The following CCDC33 variants were observed in gnomAD, a reference collection of about 807,000 sequenced individuals.
CCDC33 encodes the protein coiled-coil domain-containing protein 33.
CCDC33 carries 94 observed loss-of-function variants against 91.9 expected under a neutral mutation model. The ratio of observed to expected loss-of-function variants is 1.02; its 90% CI spans 0.87 to 1.21. The LOEUF (loss-of-function observed/expected upper bound fraction) is 1.21, where lower values mean the gene tolerates loss of function less well. Ranked by LOEUF, CCDC33 falls within the 50% of genes most tolerant of loss-of-function variation. The pLI, the probability that CCDC33 is intolerant of heterozygous loss-of-function variation, is 0.00. For synonymous variants in CCDC33, 396 were observed against 374.5 expected (o/e 1.06, Z -0.66); for missense variants, 940 against 935.5 (o/e 1.00, Z -0.06).
At chr15:74,281,430 G>GT (rs2059360865) in intron 9 of CCDC33, among the ~76,000 whole-genome samples, 1 of 152,238 alleles carries the variant, frequency 6.6e-6, no homozygotes, top group Non-Finnish European at 1.5e-5. Flanking sequence ...AGCACTTAGA[G>GT]TAAGTTCTCA....
intron 2 of CCDC33, among the ~76,000 whole-genome samples, chr15:74,255,113 A>G (rs1331680833): frequency 1.3e-5 from 1 of 76,628 alleles, no homozygotes; most frequent in African/African-American, 3.4e-5. Flanking sequence ...TGAAAGCCCC[A>G]GAATCCCTGG....
chr15:74,207,679 G>T (rs1296855588), intron 1 of CCDC33: 8 of 1,533,578 alleles, frequency 5.2e-6, no homozygotes, highest in African/African-American at 1.4e-5. Context: ...GGAGTGGGGG[G>T]ATGGCCACTG....
chr15:74,217,428 C>CT lies in CCDC33; in HGVS notation c.158dup (p.Gln54AlafsTer14). The CT allele has an allele frequency of 7.8e-7, 1 of 1,289,800 alleles. No individual in the cohort carries two copies. 79.9% of individuals were successfully genotyped at this position (1,289,800 alleles called of 1,614,324 possible). On this transcript the variant is annotated frameshift_variant, in exon 1 of 3. Coordinates refer to the CCDC33 transcript ENST00000635913. LOFTEE classifies it high-confidence loss of function. Reference sequence around the variant, plus strand: ...CCTGAGACTGTCAGCAGAGAACCCCCTGCAGGTGGGCTCTGGGGCTGGGGT... The same window carrying CT: ...CCTGAGACTGTCAGCAGAGAACCCCCTTGCAGGTGGGCTCTGGGGCTGGGGT...
intron 3 of CCDC33, among the ~76,000 whole-genome samples, chr15:74,265,827 C>G (rs1220924238): frequency 6.6e-6 from 1 of 152,214 alleles, no homozygotes; most frequent in African/African-American, 2.4e-5. Flanking sequence ...AGTTTGAGGC[C>G]AGCCTGGCCA....
intron 18 of CCDC33, chr15:74,335,723 T>C: frequency 1.8e-6 from 1 of 551,670 alleles, no homozygotes; most frequent in South Asian, 2.2e-5. Context: ...AAGGCAACCT[T>C]TGCACACTCA....
At chr15:74,331,344 C>A in intron 15 of CCDC33, 48 bp downstream of exon 15, 1 of 1,577,608 alleles carries the variant, frequency 6.3e-7, no homozygotes, top group Non-Finnish European at 8.7e-7. Context: ...CTGCTCCACC[C>A]CTGGAGGCCC....
At chr15:74,222,771 C>T (rs1039665372) in intron 2 of CCDC33, among the ~76,000 whole-genome samples, 2 of 148,752 alleles carry the variant, frequency 1.3e-5, no homozygotes, top group African/African-American at 5.0e-5. Flanking sequence ...CCCTCGGCCA[C>T]CCCTACCCCC....
At chr15:74,314,282 C>G (rs1596099828) in intron 11 of CCDC33, among the ~76,000 whole-genome samples, 1 of 152,228 alleles carries the variant, frequency 6.6e-6, no homozygotes, top group Non-Finnish European at 1.5e-5. Context: ...AGACCCCAAG[C>G]CTTGGCCACA....
chr15:74,237,667 C>T (rs779674646), intron 1 of CCDC33, among the ~76,000 whole-genome samples: 3 of 152,186 alleles, frequency 2.0e-5, no homozygotes, highest in African/African-American at 4.8e-5. Flanking sequence ...TCTGTAATGC[C>T]ACACACTCAG....
chr15:74,279,819 G>A, intron 7 of CCDC33, 144 bp from the exon 8 acceptor site: 1 of 1,121,712 alleles, frequency 8.9e-7, no homozygotes, highest in Non-Finnish European at 1.2e-6. Flanking sequence ...TTACAGGCGT[G>A]AGCCACTGTG....
chr15:74,333,852 C>T (rs1298093557), intron 16 of CCDC33, 29 bp from the exon 17 acceptor site: 2 of 1,589,434 alleles, frequency 1.3e-6, no homozygotes, highest in Admixed American at 1.7e-5. Context: ...CCAGCTGGGG[C>T]CAAATGTGAG....
At chr15:74,239,286 A>G (rs1176007605) in intron 1 of CCDC33, among the ~76,000 whole-genome samples, 2 of 152,112 alleles carry the variant, frequency 1.3e-5, no homozygotes, top group African/African-American at 4.8e-5. Context: ...TCTCCCCACC[A>G]GAACCAAGTT....
At chr15:74,309,932 G>C (rs1444650887) in intron 11 of CCDC33, among the ~76,000 whole-genome samples, 1 of 152,068 alleles carries the variant, frequency 6.6e-6, no homozygotes, top group Non-Finnish European at 1.5e-5. Flanking sequence ...AGGATCACTT[G>C]AGACCAGGAG....
chr15:74,296,519 G>A (rs1165936616), intron 11 of CCDC33, among the ~76,000 whole-genome samples: 2 of 152,156 alleles, frequency 1.3e-5, no homozygotes, highest in African/African-American at 2.4e-5. Context: ...CCAGCTACTC[G>A]GGAGGCTGAG....
chr15:74,298,057 A>G (rs1446323125), intron 11 of CCDC33, among the ~76,000 whole-genome samples: 1 of 152,238 alleles, frequency 6.6e-6, no homozygotes, highest in Non-Finnish European at 1.5e-5. Flanking sequence ...CCCTGCTCCT[A>G]GTACTGGGCA....
chr15:74,240,615 G>T (rs367840147), intron 1 of CCDC33, among the ~76,000 whole-genome samples: 248 of 151,984 alleles, frequency 1.6e-3, no homozygotes, highest in African/African-American at 5.8e-3. Flanking sequence ...TTTTTTTGTT[G>T]TTGTTGTTGG....
In CCDC33 at chr15:74,335,909, G is replaced by A. The variant is rs781609955; in HGVS notation, c.2140-16G>A. On this transcript the variant is annotated splice_polypyrimidine_tract_variant and intron_variant, in intron 18 of 18. Transcript: ENST00000398814. ...GGAATGGGGGGTACTCACGCACCCC[G>A]CTTTGCACACCACAGAGTGCCCTCA... is the stretch of plus-strand genomic sequence containing the variant. 38 of 1,608,064 alleles carry A rather than the reference G, an allele frequency of 2.4e-5. No homozygotes were observed. Among genetic ancestry groups the A allele is most frequent in the African/African-American group, 6.7e-5 (5 of 74,798 alleles).
intron 10 of CCDC33, among the ~76,000 whole-genome samples, chr15:74,292,940 C>T (rs1351416716): frequency 6.6e-6 from 1 of 152,118 alleles, no homozygotes; most frequent in Non-Finnish European, 1.5e-5. Flanking sequence ...GTTGTTCCCA[C>T]CTTTATTTTA....
At chr15:74,331,530 G>A (rs901492161) in intron 15 of CCDC33, among the ~76,000 whole-genome samples, 2 of 152,156 alleles carry the variant, frequency 1.3e-5, no homozygotes, top group Non-Finnish European at 2.9e-5. Flanking sequence ...ACACAATTGG[G>A]ATGCAGTGTG....
Sources: gnomAD v4.1 joint callset for allele counts (sites outside exome capture counted in the v4.1 genomes callset) on GRCh38, gnomAD v4.1.1 for gene constraint, MANE v1.5 for transcripts, NCBI Gene and HGNC (gene_info 2026-07-23, HGNC 2026-07-21) for gene names.